The following SUSD6 variants were observed in gnomAD, a reference collection of about 807,000 sequenced individuals.
The protein encoded by SUSD6 is sushi domain containing 6.
SUSD6 carries 16 observed loss-of-function variants against 28.4 expected under a neutral mutation model. The observed-to-expected ratio is 0.56, with a 90% confidence interval of 0.38 to 0.86. The LOEUF (loss-of-function observed/expected upper bound fraction) is 0.86, where lower values mean the gene tolerates loss of function less well. Among genes scored for constraint, SUSD6 ranks in the 40% least tolerant of loss-of-function variants. The pLI is 0.00. For synonymous variants in SUSD6, 147 were observed against 159.6 expected (o/e 0.92, Z 0.59); for missense variants, 341 against 384.2 (o/e 0.89, Z 0.94).
intron 1 of SUSD6, among the ~76,000 whole-genome samples, chr14:69,636,652 C>T (rs952727653): frequency 1.3e-5 from 2 of 152,204 alleles, no homozygotes; most frequent in Non-Finnish European, 2.9e-5. Context: ...GGCAGGTAGC[C>T]AGTCTTTTTT....
intron 2 of SUSD6, among the ~76,000 whole-genome samples, chr14:69,685,149 T>G (rs149307198): frequency 6.6e-6 from 1 of 152,172 alleles, no homozygotes; most frequent in East Asian, 1.9e-4. Flanking sequence ...AAGCCCAGAG[T>G]TCAGAATCGG....
At chr14:69,644,526 T>C (rs1219470132) in intron 1 of SUSD6, among the ~76,000 whole-genome samples, 1 of 152,096 alleles carries the variant, frequency 6.6e-6, no homozygotes, top group Non-Finnish European at 1.5e-5. Flanking sequence ...GGCGTGTGCC[T>C]GTAGTCCCAG....
At chr14:69,678,411 GTGA>G (rs1885947082) in intron 2 of SUSD6, among the ~76,000 whole-genome samples, 1 of 151,564 alleles carries the variant, frequency 6.6e-6, no homozygotes, top group Admixed American at 6.6e-5. Context: ...ATTATTTGCA[GTGA>G]TGATATGTAA....
At chr14:69,683,752 AATC>A (rs1886032110) in intron 2 of SUSD6, among the ~76,000 whole-genome samples, 1 of 152,228 alleles carries the variant, frequency 6.6e-6, no homozygotes, top group Admixed American at 6.5e-5. Context: ...TCTGAAAAGA[AATC>A]ATCATGAGGA....
At chr14:69,660,618 A>G (rs1885648426) in intron 2 of SUSD6, among the ~76,000 whole-genome samples, 1 of 152,224 alleles carries the variant, frequency 6.6e-6, no homozygotes, top group African/African-American at 2.4e-5. Flanking sequence ...CTTATTCACC[A>G]CTGTGTCTTT....
chr14:69,672,478 T>C (rs1156973295), intron 2 of SUSD6, among the ~76,000 whole-genome samples: 1 of 152,120 alleles, frequency 6.6e-6, no homozygotes, highest in Non-Finnish European at 1.5e-5. Flanking sequence ...AGAGCAGCTT[T>C]GGGGCAAAGA....
intron 1 of SUSD6, among the ~76,000 whole-genome samples, chr14:69,631,866 C>G (rs115327663): frequency 2.8e-3 from 432 of 152,268 alleles, no homozygotes; most frequent in African/African-American, 0.01. Context: ...TTTTCTGAGG[C>G]CCCTGTGTTT....
At chr14:69,680,431 G>A (rs951598386) in intron 2 of SUSD6, among the ~76,000 whole-genome samples, 2 of 152,054 alleles carry the variant, frequency 1.3e-5, no homozygotes, top group Non-Finnish European at 2.9e-5. Flanking sequence ...ACTGGTTTCC[G>A]TGTCTCCAGT....
chr14:69,652,574 A>G (rs1885520379), intron 1 of SUSD6, among the ~76,000 whole-genome samples: 1 of 152,010 alleles, frequency 6.6e-6, no homozygotes, highest in African/African-American at 2.4e-5. Flanking sequence ...CTTTAGGAGA[A>G]GTGTTTGATA....
At chr14:69,639,956 GTTTTTTTTT>G (rs11463756) in intron 1 of SUSD6, among the ~76,000 whole-genome samples, 1 of 81,640 alleles carries the variant, frequency 1.2e-5, no homozygotes. Context: ...CACCTACACT[GTTTTTTTTT>G]TTTTTTTTTT....
intron 1 of SUSD6, among the ~76,000 whole-genome samples, chr14:69,626,235 C>T (rs1045392235): frequency 1.3e-5 from 2 of 152,196 alleles, no homozygotes; most frequent in African/African-American, 4.8e-5. Context: ...CACCTTCCCA[C>T]CTTGGGTTTT....
intron 1 of SUSD6, among the ~76,000 whole-genome samples, chr14:69,627,046 A>G (rs1048506511): frequency 1.3e-5 from 2 of 152,144 alleles, no homozygotes; most frequent in African/African-American, 2.4e-5. Context: ...GGTGGATCCT[A>G]GAGGATGTTA....
At chr14:69,703,106 A>G (rs550394286) in intron 2 of SUSD6, among the ~76,000 whole-genome samples, 4 of 152,238 alleles carry the variant, frequency 2.6e-5, no homozygotes, top group African/African-American at 4.8e-5. Context: ...CTAGATCTCT[A>G]TAGGTTCAAG....
chr14:69,657,784 ACT>A (rs1378851486), intron 1 of SUSD6, among the ~76,000 whole-genome samples: 1 of 151,750 alleles, frequency 6.6e-6, no homozygotes, highest in Non-Finnish European at 1.5e-5. Context: ...TGATACACAC[ACT>A]CTTTCTCACT....
intron 1 of SUSD6, among the ~76,000 whole-genome samples, chr14:69,640,274 C>T (rs984363526): frequency 6.6e-6 from 1 of 151,662 alleles, no homozygotes; most frequent in Non-Finnish European, 1.5e-5. Flanking sequence ...TCACTTACTC[C>T]TTAAGAGAAT....
rs548260188 is a variant in SUSD6 at position 69,649,063 on chromosome 14, T to C, written c.-80-9450T>C. Among the ~76,000 whole-genome samples the C allele has an allele frequency of 2.0e-5, 3 of 152,316 alleles. No individual in the cohort carries two copies. The East Asian group carries it at 5.8e-4, about 29-fold the overall frequency. ...CCCTACTCCCATCAGAAGTCTTTGT[T>C]CCTGTGTCCTCTGTGTTCTCATAGC... On this transcript the variant is annotated intron_variant, in intron 1 of 5. Transcript: ENST00000342745.
intron 1 of SUSD6, among the ~76,000 whole-genome samples, chr14:69,650,354 G>T (rs1885485659): frequency 6.6e-6 from 1 of 152,058 alleles, no homozygotes; most frequent in South Asian, 2.1e-4. Context: ...AATGAGGTGG[G>T]TATCATTTAT....
At position 69,708,796 on chromosome 14, in the gene SUSD6, AC is replaced by A; in HGVS notation, c.582del (p.Arg195GlufsTer56). The A allele has an allele frequency of 6.2e-7, 1 of 1,614,104 alleles. No homozygotes were observed. The highest frequency in any genetic ancestry group is 1.1e-5 in the South Asian group (1 of 91,076). ...TCTGGTCACTGTGTGCCACCTGCTG[AC>A]CCCAGAGTACAGATTGTGCTGTCAG... ...GSSGHCVPPA[D>X]PRVQIVLSEG... On this transcript the variant is annotated frameshift_variant, in exon 5 of 6. Transcript: ENST00000342745. LOFTEE classifies it high-confidence loss of function.
intron 2 of SUSD6, among the ~76,000 whole-genome samples, chr14:69,679,488 A>G (rs1885966360): frequency 6.6e-6 from 1 of 152,174 alleles, no homozygotes; most frequent in African/African-American, 2.4e-5. Context: ...TTAGTAGTGT[A>G]AAGCAAGCTT....
Sources: gnomAD v4.1 joint callset for allele counts (sites outside exome capture counted in the v4.1 genomes callset) on GRCh38, gnomAD v4.1.1 for gene constraint, MANE v1.5 for transcripts, NCBI Gene and HGNC (gene_info 2026-07-23, HGNC 2026-07-21) for gene names.